Variants in POMZP3 observed in about 807,000 individuals in gnomAD.
The protein encoded by POMZP3 is POM121 and ZP3 fusion protein.
Under a neutral mutation model 19.8 loss-of-function variants are expected in POMZP3, and 10 were observed. That is an observed-to-expected ratio of 0.51 (90% CI 0.31 to 0.86). The LOEUF is 0.86. Among genes scored for constraint, POMZP3 ranks in the 40% least tolerant of loss-of-function variants. POMZP3 has a pLI of 0.04. For missense variants in POMZP3, 152 were observed against 228.1 expected (o/e 0.67, Z 2.15); for synonymous variants, 57 against 85.8 (o/e 0.66, Z 1.85).
intron 3 of POMZP3, among the ~76,000 whole-genome samples, chr7:76,619,469 A>C (rs906446161): frequency 1.3e-5 from 2 of 151,218 alleles, no homozygotes; most frequent in Admixed American, 6.6e-5. Context: ...ACAGTAGGGC[A>C]GTTTGCCACT....
At chr7:76,611,963 C>G in intron 4 of POMZP3, 150 bp from the exon 5 acceptor site, 1 of 1,439,866 alleles carries the variant, frequency 6.9e-7, no homozygotes, top group Non-Finnish European at 9.3e-7. Flanking sequence ...CTTTGGGAGG[C>G]CAAGGCGGGT....
At chr7:76,622,605 C>T (rs1249962644) in intron 3 of POMZP3, among the ~76,000 whole-genome samples, 2 of 151,562 alleles carry the variant, frequency 1.3e-5, no homozygotes, top group African/African-American at 4.8e-5. Flanking sequence ...ACCTCATGAT[C>T]CACCCGCCTT....
Position 76,611,444 on chromosome 7 carries a change from T to G in POMZP3, c.*11+10A>C. 6.5e-7 allele frequency: 1 copy of G among 1,548,842 alleles called. No homozygotes were observed. Among genetic ancestry groups the G allele is most frequent in the Non-Finnish European group, 8.7e-7 (1 of 1,147,898 alleles). ...ACAATGAACAGCCTCTTGGCCATTC[T>G]ATGACATACCATGCCTGCGGTTACA... On this transcript the variant is annotated intron_variant, in intron 6 of 6. Transcript: ENST00000310842.
At chr7:76,616,094 C>T (rs1400612627) in intron 4 of POMZP3, among the ~76,000 whole-genome samples, 2 of 123,940 alleles carry the variant, frequency 1.6e-5, no homozygotes, top group African/African-American at 3.1e-5. Flanking sequence ...ACCAGCCTGG[C>T]CAAAATGATG....
In POMZP3 at chr7:76,626,712, G is replaced by A; in HGVS notation, c.-156C>T. 4 of 1,384,010 alleles carry A rather than the reference G, an allele frequency of 2.9e-6. No individual in the cohort carries two copies. Among genetic ancestry groups the A allele is most frequent in the Non-Finnish European group, 3.7e-6 (4 of 1,076,470 alleles). 85.7% of individuals were successfully genotyped at this position (1,384,010 alleles called of 1,614,324 possible). On this transcript the variant is annotated 5_prime_UTR_variant, in exon 1 of 7. Coordinates refer to ENST00000310842, the MANE Select transcript of POMZP3 (RefSeq NM_012230.5). ...GGGAAAATCAGCGCATCTCACCGTGGGGAAGGCCTCCCGGAGGGTCGGAGA... is the reference window on the plus strand; with the variant it reads ...GGGAAAATCAGCGCATCTCACCGTGAGGAAGGCCTCCCGGAGGGTCGGAGA...
rs757086256 is a variant in POMZP3, at chr7:76,622,374, GT to G, written c.227+3147del. Among the ~76,000 whole-genome samples, 12 of 62,808 alleles carry G rather than the reference GT, an allele frequency of 1.9e-4. No homozygotes were observed. In the East Asian group the frequency reaches 2.4e-3, roughly 12 times the overall value. The allele number at this position is 62,808 out of a possible 152,430, so 41.2% of individuals were successfully genotyped here. On this transcript the variant is annotated intron_variant, in intron 3 of 6. Transcript: ENST00000310842. ...TTTCCTGTAACACTATCATTCTCAA[GT>G]TTTTTTTTTTTTTTTTTTTTTGAGA...
intron 3 of POMZP3, among the ~76,000 whole-genome samples, chr7:76,619,475 C>T (rs563328529): frequency 6.6e-6 from 1 of 151,446 alleles, no homozygotes; most frequent in South Asian, 2.1e-4. Flanking sequence ...GGGCAGTTTG[C>T]CACTTGCGTT....
chr7:76,622,572 G>A (rs1421408395), intron 3 of POMZP3, among the ~76,000 whole-genome samples: 2 of 151,354 alleles, frequency 1.3e-5, no homozygotes, highest in Admixed American at 6.6e-5. Context: ...CACCATCTTG[G>A]CCAGGCTGGT....
Position 76,610,261 on chromosome 7 carries a change from C to T in POMZP3, c.*12-46G>A, listed in dbSNP as rs374013606. The T allele has an allele frequency of 2.2e-5, 36 of 1,613,622 alleles. 1 individual carries two copies. The highest frequency in any genetic ancestry group is 2.7e-5 in the African/African-American group (2 of 74,858). On this transcript the variant is annotated intron_variant, in intron 6 of 6. Coordinates refer to ENST00000310842, the MANE Select transcript of POMZP3 (RefSeq NM_012230.5). ...ACCAAGGGTCATCTTAGTCCCTAAC[C>T]GGGAACTGGGTTGGAGGTTTTATTC...
chr7:76,627,220 G>C lies in POMZP3; in HGVS notation c.-664C>G, dbSNP rs887119540. The C allele has an allele frequency of 4.2e-4, 590 of 1,414,406 alleles. 66 individuals carry two copies. Among genetic ancestry groups the C allele is most frequent in the Non-Finnish European group, 5.2e-4 (557 of 1,076,400 alleles). 87.6% of individuals were successfully genotyped at this position (1,414,406 alleles called of 1,614,324 possible). A position where few individuals can be genotyped will look rare whatever the true frequency, so the allele number is the denominator to read the frequency against. On this transcript the variant is annotated 5_prime_UTR_variant, in exon 1 of 7. Transcript: ENST00000310842. ...CACTCGCTATCGGCCGCCGCCGCTCGCCTGCTCCAGCCGCCGCAGCCGCCG... is the reference window on the plus strand; with the variant it reads ...CACTCGCTATCGGCCGCCGCCGCTCCCCTGCTCCAGCCGCCGCAGCCGCCG...
chr7:76,610,271 G>A (rs1815028134), intron 6 of POMZP3, 56 bp from the exon 7 acceptor site: 5 of 1,612,694 alleles, frequency 3.1e-6, no homozygotes, highest in Non-Finnish European at 4.2e-6. Flanking sequence ...CGGGAACTGG[G>A]TTGGAGGTTT....
chr7:76,624,001 G>GA (rs1243011117), intron 3 of POMZP3, among the ~76,000 whole-genome samples: 2 of 143,178 alleles, frequency 1.4e-5, no homozygotes, highest in African/African-American at 2.6e-5. Context: ...GGAGAGACGT[G>GA]AAAAAAAGTT....
intron 3 of POMZP3, among the ~76,000 whole-genome samples, chr7:76,621,614 G>A (rs549085266): frequency 3.4e-4 from 52 of 151,950 alleles, no homozygotes; most frequent in Admixed American, 2.6e-3. Context: ...GTTGGCACAA[G>A]ATGCAGGTCA....
intron 4 of POMZP3, 146 bp from the exon 5 acceptor site, chr7:76,611,959 G>A: frequency 6.8e-7 from 1 of 1,469,784 alleles, no homozygotes; most frequent in South Asian, 1.3e-5. Flanking sequence ...AGCACTTTGG[G>A]AGGCCAAGGC....
At chr7:76,621,692 G>A (rs903499864) in intron 3 of POMZP3, among the ~76,000 whole-genome samples, 2 of 151,768 alleles carry the variant, frequency 1.3e-5, no homozygotes, top group Non-Finnish European at 2.9e-5. Context: ...TGTAATCCCA[G>A]CACTTTGGGA....
rs1308831127 is a variant in POMZP3, at chr7:76,625,375, A to G, written c.227+147T>C. The G allele has an allele frequency of 4.6e-6, 6 of 1,293,106 alleles. No homozygotes were observed. The Admixed American group carries it at 1.0e-4, about 22-fold the overall frequency. The allele number at this position is 1,293,106 out of a possible 1,614,324, so 80.1% of individuals were successfully genotyped here. A position where few individuals can be genotyped will look rare whatever the true frequency, so the allele number is the denominator to read the frequency against. ...AATGATCAGCATTAAAACCCCTGTT[A>G]TTAGGTTCTTTCATGAAAGCCAAAG... On this transcript the variant is annotated intron_variant, in intron 3 of 6. Transcript: ENST00000310842.
At chr7:76,620,329 TAAA>T (rs768106589) in intron 3 of POMZP3, among the ~76,000 whole-genome samples, 2 of 28,478 alleles carry the variant, frequency 7.0e-5, no homozygotes, top group Non-Finnish European at 6.8e-5. Context: ...CTGTCTCAAA[TAAA>T]AAAAAAAAAA....
Position 76,626,002 on chromosome 7 carries a change from C to A in POMZP3, c.63G>T (p.Ala21=), listed in dbSNP as rs564684110. The change falls in exon 2 of 7, where the codon GCG becomes GCT. Residue 21 remains alanine (A), a splice_region_variant and synonymous_variant. Coordinates refer to ENST00000310842, the MANE Select transcript of POMZP3 (RefSeq NM_012230.5). ...ATTCTTCCAACGATAATACTCACAT[C>A]GCAGAACGCGAAAATCTTCTGTCAG... ...APPDRRFSRS[A]IPEQIISSTL... 6.2e-7 allele frequency: 1 copy of A among 1,613,784 alleles called. No individual in the cohort carries two copies. The highest frequency in any genetic ancestry group is 2.2e-5 in the East Asian group (1 of 44,872).
chr7:76,625,687 T>C lies in POMZP3; in HGVS notation c.66-4A>G, dbSNP rs1201349829. ...TGAGCTGATTATCTGCTCTGGTCTATAATGAAAGACAGGATTCTAGCAGTA... is the reference window on the plus strand; with the variant it reads ...TGAGCTGATTATCTGCTCTGGTCTACAATGAAAGACAGGATTCTAGCAGTA... On this transcript the variant is annotated splice_region_variant and splice_polypyrimidine_tract_variant and intron_variant, in intron 2 of 6. Coordinates refer to ENST00000310842, the MANE Select transcript of POMZP3 (RefSeq NM_012230.5). 6.2e-7 allele frequency: 1 copy of C among 1,612,634 alleles called. No individual in the cohort carries two copies. The highest frequency in any genetic ancestry group is 1.3e-5 in the African/African-American group (1 of 74,788).
Sources: gnomAD v4.1 joint callset for allele counts (sites outside exome capture counted in the v4.1 genomes callset) on GRCh38, gnomAD v4.1.1 for gene constraint, MANE v1.5 for transcripts, NCBI Gene and HGNC (gene_info 2026-07-23, HGNC 2026-07-21) for gene names.